Variants in ARHGAP15 observed in about 807,000 individuals in gnomAD.
The protein encoded by ARHGAP15 is rho GTPase-activating protein 15.
A neutral mutation model predicts 63.7 loss-of-function variants in ARHGAP15; 51 were observed. The observed-to-expected ratio is 0.80, with a 90% confidence interval of 0.64 to 1.01. ARHGAP15 has a LOEUF of 1.01. Ranked by LOEUF, ARHGAP15 falls within the 50% of genes least tolerant of loss-of-function variation. The probability of loss-of-function intolerance (pLI) is 0.00; values close to 1 mark genes in which losing one functional copy is unlikely to be tolerated. For missense variants in ARHGAP15, 560 were observed against 564.6 expected (o/e 0.99, Z 0.08); for synonymous variants, 191 against 193.8 (o/e 0.99, Z 0.12).
chr2:143,723,652 T>C (rs568053706), intron 13 of ARHGAP15, among the ~76,000 whole-genome samples: 2 of 152,336 alleles, frequency 1.3e-5, no homozygotes, highest in Admixed American at 6.5e-5. Context: ...TGCCAGGCAC[T>C]GTTCTAGGAG....
At chr2:143,165,207 T>C (rs1690451987) in intron 2 of ARHGAP15, among the ~76,000 whole-genome samples, 1 of 152,070 alleles carries the variant, frequency 6.6e-6, no homozygotes, top group African/African-American at 2.4e-5. Context: ...CACAGTACCA[T>C]AAACATAAAT....
chr2:143,301,420 A>G (rs1006828888), intron 6 of ARHGAP15, among the ~76,000 whole-genome samples: 1 of 152,018 alleles, frequency 6.6e-6, no homozygotes, highest in African/African-American at 2.4e-5. Flanking sequence ...AGGTGACAAA[A>G]GCACTAATAA....
At chr2:143,265,898 T>C (rs1441965098) in intron 6 of ARHGAP15, among the ~76,000 whole-genome samples, 1 of 152,168 alleles carries the variant, frequency 6.6e-6, no homozygotes, top group Non-Finnish European at 1.5e-5. Flanking sequence ...TTTGAATTCC[T>C]TCAATTAAAT....
intron 11 of ARHGAP15, among the ~76,000 whole-genome samples, chr2:143,613,177 A>C (rs541547723): frequency 6.6e-6 from 1 of 152,330 alleles, no homozygotes; most frequent in South Asian, 2.1e-4. Context: ...AATCTTCTAA[A>C]CAATAAACAA....
At chr2:143,340,429 A>G (rs1399830364) in intron 6 of ARHGAP15, among the ~76,000 whole-genome samples, 2 of 152,154 alleles carry the variant, frequency 1.3e-5, no homozygotes, top group Non-Finnish European at 2.9e-5. Flanking sequence ...AGAGCTGGGG[A>G]AAGATTTTGA....
At chr2:143,180,139 G>A (rs1311654636) in intron 2 of ARHGAP15, among the ~76,000 whole-genome samples, 1 of 152,178 alleles carries the variant, frequency 6.6e-6, no homozygotes, top group Non-Finnish European at 1.5e-5. Flanking sequence ...TTTCTCTGTA[G>A]CATGTGTTGC....
chr2:143,704,830 A>G (rs1684252740), intron 13 of ARHGAP15, among the ~76,000 whole-genome samples: 1 of 152,194 alleles, frequency 6.6e-6, no homozygotes, highest in Non-Finnish European at 1.5e-5. Flanking sequence ...AATCTATTAC[A>G]TGATTTTTCA....
At chr2:143,714,951 T>C (rs962454107) in intron 13 of ARHGAP15, among the ~76,000 whole-genome samples, 53 of 152,228 alleles carry the variant, frequency 3.5e-4, no homozygotes, top group African/African-American at 1.3e-3. Context: ...CTCCAACCTC[T>C]GCCTGTTACC....
intron 2 of ARHGAP15, among the ~76,000 whole-genome samples, chr2:143,160,445 T>C (rs1453233359): frequency 6.6e-6 from 1 of 151,992 alleles, no homozygotes; most frequent in East Asian, 1.9e-4. Flanking sequence ...GCCTCTGATA[T>C]GACTACACAA....
intron 12 of ARHGAP15, among the ~76,000 whole-genome samples, chr2:143,656,983 G>GTGTGTGT (rs1553518500): frequency 2.0e-5 from 3 of 150,338 alleles, no homozygotes; most frequent in Non-Finnish European, 4.5e-5. Flanking sequence ...GTAGGAGTGA[G>GTGTGTGT]GACATGTTAT....
chr2:143,614,433 T>C (rs1698380510), intron 11 of ARHGAP15, among the ~76,000 whole-genome samples: 1 of 152,186 alleles, frequency 6.6e-6, no homozygotes, highest in South Asian at 2.1e-4. Flanking sequence ...ATTTGATAAG[T>C]GAATGAATAA....
At position 143,742,009 on chromosome 2, in the gene ARHGAP15, A is replaced by C. The variant is rs186531679; in HGVS notation, c.1245-25980A>C. Among the ~76,000 whole-genome samples the C allele has an allele frequency of 2.5e-3, 374 of 152,326 alleles. 3 individuals are homozygous for C. Among genetic ancestry groups the C allele is most frequent in the African/African-American group, 8.6e-3 (357 of 41,580 alleles). ...ATATAATTGATCCCATTAAAGAAGG[A>C]GCTACATAGAGGAGACAGTTATCAG... On this transcript the variant is annotated intron_variant, in intron 13 of 13. Transcript: ENST00000295095.
chr2:143,185,036 T>G (rs1265511843), intron 2 of ARHGAP15, among the ~76,000 whole-genome samples: 3 of 152,172 alleles, frequency 2.0e-5, no homozygotes, highest in Non-Finnish European at 4.4e-5. Context: ...AAACTGTAGC[T>G]CAATTTCCTC....
At chr2:143,545,460 A>C (rs1695289715) in intron 10 of ARHGAP15, among the ~76,000 whole-genome samples, 1 of 152,100 alleles carries the variant, frequency 6.6e-6, no homozygotes, top group African/African-American at 2.4e-5. Flanking sequence ...TTATTGGAAC[A>C]GAGTTATTTC....
At chr2:143,706,697 T>C (rs1457916649) in intron 13 of ARHGAP15, 1 of 152,056 alleles carries the variant, frequency 6.6e-6, no homozygotes, top group Non-Finnish European at 1.5e-5. Flanking sequence ...GAGTCCAGAG[T>C]CTTCATTCTT....
chr2:143,390,765 A>G (rs1433938087), intron 6 of ARHGAP15, among the ~76,000 whole-genome samples: 1 of 148,928 alleles, frequency 6.7e-6, no homozygotes, highest in Non-Finnish European at 1.5e-5. Context: ...ACACACACAC[A>G]CGTGCAAAGA....
intron 3 of ARHGAP15, among the ~76,000 whole-genome samples, chr2:143,208,300 T>C (rs1412167713): frequency 2.0e-5 from 3 of 152,214 alleles, no homozygotes; most frequent in Non-Finnish European, 2.9e-5. Flanking sequence ...TCCTATTAGG[T>C]CCACCATGTT....
At chr2:143,761,072 C>T (rs988131478) in intron 13 of ARHGAP15, among the ~76,000 whole-genome samples, 6 of 152,100 alleles carry the variant, frequency 3.9e-5, no homozygotes, top group African/African-American at 1.4e-4. Context: ...GCTAAGTCCT[C>T]AATCTTATAA....
intron 10 of ARHGAP15, among the ~76,000 whole-genome samples, chr2:143,548,362 A>G (rs1574618719): frequency 6.6e-6 from 1 of 152,170 alleles, no homozygotes; most frequent in Middle Eastern, 3.4e-3. Flanking sequence ...ATATGTATAT[A>G]CATATACATA....
Sources: gnomAD v4.1 joint callset for allele counts (sites outside exome capture counted in the v4.1 genomes callset) on GRCh38, gnomAD v4.1.1 for gene constraint, MANE v1.5 for transcripts, NCBI Gene and HGNC (gene_info 2026-07-23, HGNC 2026-07-21) for gene names.